KCNK10: variants seen among roughly 807,000 people sequenced by gnomAD.
The protein encoded by KCNK10 is potassium channel subfamily K member 10.
In KCNK10, 25 loss-of-function variants were observed where a neutral mutation model predicts 47.7. The ratio of observed to expected loss-of-function variants is 0.52; its 90% confidence interval spans 0.38 to 0.73. The LOEUF (loss-of-function observed/expected upper bound fraction) is 0.73, where lower values mean the gene tolerates loss of function less well. Among genes scored for constraint, KCNK10 ranks in the 30% least tolerant of loss-of-function variants. KCNK10 has a pLI of 0.00. For missense variants in KCNK10, 563 were observed against 714.5 expected, an observed-to-expected ratio of 0.79 and a Z score of 2.42; for synonymous variants, 303 against 285.6, an observed-to-expected ratio of 1.06 and a Z score of -0.61.
intron 2 of KCNK10, among the ~76,000 whole-genome samples, chr14:88,258,342 G>T (rs9707717): frequency 0.077 from 11,580 of 150,250 alleles, 1,134 homozygotes; most frequent in African/African-American, 0.23. Flanking sequence ...CCAGGCTGGA[G>T]TGCAATGGCA....
chr14:88,279,915 T>C (rs1887612032), intron 1 of KCNK10, among the ~76,000 whole-genome samples: 1 of 146,370 alleles, frequency 6.8e-6, no homozygotes, highest in African/African-American at 2.4e-5. Flanking sequence ...TATCAGGGGT[T>C]TCCACTTTTG....
At chr14:88,323,278 A>G (rs985272494), upstream of KCNK10, 13 of 985,412 alleles carry the variant, frequency 1.3e-5, no homozygotes, top group African/African-American at 2.1e-4. Flanking sequence ...TTGGGCGGGC[A>G]CGTCAGCCTC....
At chr14:88,224,906 G>C (rs189843196) in intron 4 of KCNK10, among the ~76,000 whole-genome samples, 1 of 152,256 alleles carries the variant, frequency 6.6e-6, no homozygotes, top group African/African-American at 2.4e-5. Context: ...CACCATGCCC[G>C]GCAGAAAGCC....
intron 1 of KCNK10, among the ~76,000 whole-genome samples, chr14:88,278,026 G>A (rs1174422549): frequency 2.0e-5 from 3 of 152,150 alleles, no homozygotes; most frequent in African/African-American, 4.8e-5. Context: ...GTTTGCTGAG[G>A]GCCTATTGTG....
At chr14:88,196,314 C>T (rs1052967960) in intron 4 of KCNK10, among the ~76,000 whole-genome samples, 4 of 152,154 alleles carry the variant, frequency 2.6e-5, no homozygotes, top group African/African-American at 9.7e-5. Context: ...GGAGCCAGTT[C>T]TAAGAGCTCT....
At chr14:88,189,225 A>G (rs1884669872) in intron 5 of KCNK10, among the ~76,000 whole-genome samples, 3 of 152,184 alleles carry the variant, frequency 2.0e-5, no homozygotes, top group Admixed American at 2.0e-4. Context: ...AATCAGCAAC[A>G]CAGCGCAGCA....
chr14:88,310,977 A>T (rs1006058198), intron 1 of KCNK10, among the ~76,000 whole-genome samples: 3 of 152,202 alleles, frequency 2.0e-5, no homozygotes, highest in Non-Finnish European at 4.4e-5. Flanking sequence ...ATCAAGGGTC[A>T]TGTAACAAAG....
chr14:88,246,325 C>G lies in KCNK10; in HGVS notation c.403-5505G>C, dbSNP rs1017926771. 3.3e-5 allele frequency among the ~76,000 whole-genome samples: 5 copies of G among 150,498 alleles called. No homozygotes were observed. In the East Asian group the frequency reaches 9.8e-4, roughly 29 times the overall value. On this transcript the variant is annotated intron_variant, in intron 2 of 6. Transcript: ENST00000319231. ...CAGCCATTAGCAGTTGGGAGGAAAG[C>G]CACAAACTCTGTGAGAAAGGCAACT...
At chr14:88,236,723 T>C (rs957276791) in intron 3 of KCNK10, among the ~76,000 whole-genome samples, 19 of 152,260 alleles carry the variant, frequency 1.2e-4, no homozygotes, top group African/African-American at 4.6e-4. Context: ...AAGTTATGTT[T>C]ACACTCTACT....
intron 1 of KCNK10, among the ~76,000 whole-genome samples, chr14:88,298,757 C>T (rs1888037376): frequency 6.6e-6 from 1 of 152,196 alleles, no homozygotes; most frequent in African/African-American, 2.4e-5. Flanking sequence ...CTAGTGTAGC[C>T]TTCCATGGCT....
rs1263267189 is a variant in KCNK10, at chr14:88,184,537, T to C, written c.*998A>G. ...AAAGCCCTGAGATGGAAAGATGCCA[T>C]GGTCCTCCTCAGTGTGTCTCAGAAA... On this transcript the variant is annotated 3_prime_UTR_variant, in exon 7 of 7. Transcript: ENST00000319231. The C allele has an allele frequency of 1.3e-5, 2 of 152,332 alleles. No individual in the cohort carries two copies. Among genetic ancestry groups the C allele is most frequent in the Admixed American group, 1.3e-4 (2 of 15,280 alleles). 9.4% of individuals were successfully genotyped at this position (152,332 alleles called of 1,614,324 possible).
At position 88,183,300 on chromosome 14, in the gene KCNK10, C is replaced by G. The variant is rs539990169; in HGVS notation, c.*2235G>C. The G allele has an allele frequency of 1.3e-5, 2 of 152,310 alleles. No homozygotes were observed. Among genetic ancestry groups the G allele is most frequent in the African/African-American group, 4.8e-5 (2 of 41,454 alleles). 9.4% of individuals were successfully genotyped at this position (152,310 alleles called of 1,614,324 possible). On this transcript the variant is annotated 3_prime_UTR_variant, in exon 7 of 7. Transcript: ENST00000319231. Reference sequence around the variant, plus strand: ...AGTGCCTAATCCTGTGCCTGGCCCACAGAAGGCACTGGATAAATGAGAGGG... The same window carrying G: ...AGTGCCTAATCCTGTGCCTGGCCCAGAGAAGGCACTGGATAAATGAGAGGG...
chr14:88,204,214 T>C (rs1885192693), intron 4 of KCNK10, among the ~76,000 whole-genome samples: 1 of 152,164 alleles, frequency 6.6e-6, no homozygotes, highest in Admixed American at 6.5e-5. Context: ...ACGAGCAACA[T>C]GCTCAAGAAC....
intron 4 of KCNK10, among the ~76,000 whole-genome samples, chr14:88,214,045 T>G (rs1006936121): frequency 8.6e-5 from 13 of 151,980 alleles, no homozygotes; most frequent in African/African-American, 3.1e-4. Flanking sequence ...GTTCAAGTGA[T>G]TCTCCTGCCT....
intron 2 of KCNK10, 39 bp downstream of exon 2, chr14:88,263,163 C>T: frequency 7.8e-6 from 12 of 1,529,792 alleles, no homozygotes; most frequent in Non-Finnish European, 1.1e-5. Flanking sequence ...TGCCATCCAC[C>T]CCACCAGCTG....
At chr14:88,294,994 T>G (rs1887958083) in intron 1 of KCNK10, among the ~76,000 whole-genome samples, 1 of 152,228 alleles carries the variant, frequency 6.6e-6, no homozygotes, top group Non-Finnish European at 1.5e-5. Flanking sequence ...GTTCTTATAC[T>G]GGAAACTCTA....
At chr14:88,219,792 C>A (rs1007044680) in intron 4 of KCNK10, among the ~76,000 whole-genome samples, 7 of 152,176 alleles carry the variant, frequency 4.6e-5, no homozygotes, top group Admixed American at 2.6e-4. Context: ...CCACCGCCCC[C>A]ACCACGACCA....
In KCNK10 at chr14:88,217,911, C is replaced by A. The variant is rs180891901; in HGVS notation, c.681+9464G>T. Among the ~76,000 whole-genome samples, 24 of 152,162 alleles carry A rather than the reference C, an allele frequency of 1.6e-4. 1 individual carries two copies. In the East Asian group the frequency reaches 3.1e-3, roughly 20 times the overall value. On this transcript the variant is annotated intron_variant, in intron 4 of 6. Transcript: ENST00000319231. ...CTAATTTTTGTATTTTTAGTAGGAA[C>A]AGGGTTTCATCATGTTGGCCAGGCT...
At chr14:88,215,949 A>T (rs1243154459) in intron 4 of KCNK10, among the ~76,000 whole-genome samples, 1 of 152,204 alleles carries the variant, frequency 6.6e-6, no homozygotes, top group Non-Finnish European at 1.5e-5. Context: ...AACAGGAAAC[A>T]CCAAAGGGAT....
Sources: gnomAD v4.1 joint callset for allele counts (sites outside exome capture counted in the v4.1 genomes callset) on GRCh38, gnomAD v4.1.1 for gene constraint, MANE v1.5 for transcripts, NCBI Gene and HGNC (gene_info 2026-07-23, HGNC 2026-07-21) for gene names.